The following TERF1 variants were observed in gnomAD, a reference collection of about 807,000 sequenced individuals.
TERF1 encodes the protein telomeric repeat binding factor 1, also known as telomeric repeat-binding factor 1.
TERF1 carries 20 observed loss-of-function variants against 55.1 expected under a neutral mutation model. That is an observed-to-expected ratio of 0.36 (90% confidence interval 0.26 to 0.53). The LOEUF (loss-of-function observed/expected upper bound fraction) is 0.53, where lower values mean the gene tolerates loss of function less well. TERF1 is among the 20% of genes least tolerant of loss of function. The pLI is 0.91. For missense variants in TERF1, 439 were observed against 535.7 expected, an observed-to-expected ratio of 0.82 and a Z score of 1.78; for synonymous variants, 168 against 181.2, an observed-to-expected ratio of 0.93 and a Z score of 0.59.
intron 1 of TERF1, chr8:73,009,432 C>A: frequency 1.8e-6 from 1 of 566,982 alleles, no homozygotes; most frequent in Non-Finnish European, 3.1e-6. Context: ...GAAAATAAGA[C>A]CCTGTTTAGG....
chr8:73,020,556 GGT>G, intron 2 of TERF1, 126 bp from the exon 3 acceptor site: 1 of 602,202 alleles, frequency 1.7e-6, no homozygotes, highest in Non-Finnish European at 2.5e-6. Flanking sequence ...CTTCTAAACT[GGT>G]ATAAACAAGA....
chr8:73,009,861 T>A (rs924594270), intron 1 of TERF1: 4 of 152,492 alleles, frequency 2.6e-5, no homozygotes, highest in African/African-American at 9.7e-5. Context: ...TGAAATCTGC[T>A]GCACCCCGCC....
chr8:73,009,323 C>A, intron 1 of TERF1, 118 bp downstream of exon 1: 1 of 481,004 alleles, frequency 2.1e-6, no homozygotes. Context: ...GGCCGATTAG[C>A]TGGGAGTCCG....
At chr8:73,028,358 A>T (rs191822390) in intron 6 of TERF1, among the ~76,000 whole-genome samples, 6 of 152,154 alleles carry the variant, frequency 3.9e-5, no homozygotes, top group African/African-American at 1.4e-4. Context: ...CTCTCCAAGT[A>T]TTAGGAACCG....
At chr8:73,028,073 C>A (rs1314709628) in intron 6 of TERF1, among the ~76,000 whole-genome samples, 3 of 152,178 alleles carry the variant, frequency 2.0e-5, no homozygotes, top group Non-Finnish European at 4.4e-5. Context: ...CCAATTACTT[C>A]CTTTTGTTTC....
intron 2 of TERF1, among the ~76,000 whole-genome samples, chr8:73,018,027 A>G (rs1808594739): frequency 6.6e-6 from 1 of 152,130 alleles, no homozygotes. Flanking sequence ...ATATTTTTCA[A>G]AAGCTCTTCA....
Position 73,008,925 on chromosome 8 carries a change from G to A in TERF1, c.39G>A (p.Arg13=). The change falls in exon 1 of 10, where the codon CGG becomes CGA. Residue 13 remains arginine, a synonymous_variant. Coordinates refer to ENST00000276603, the MANE Select transcript of TERF1 (RefSeq NM_017489.3). ...TTTCCTCAGCGGCCCCGAGCCCGCG[G>A]GGCTGTGCGGATGGTAGGGATGCCG... ...EDVSSAAPSP[R]GCADGRDADP... The A allele has an allele frequency of 1.2e-6, 2 of 1,612,248 alleles. No individual in the cohort carries two copies. Among genetic ancestry groups the A allele is most frequent in the Non-Finnish European group, 8.5e-7 (1 of 1,179,396 alleles).
chr8:73,030,362 C>T lies in TERF1; in HGVS notation c.914C>T (p.Thr305Ile), dbSNP rs1351688478. The T allele has an allele frequency of 1.3e-6, 2 of 1,525,520 alleles. 1 individual carries two copies. Among genetic ancestry groups the T allele is most frequent in the South Asian group, 2.7e-5 (2 of 74,832 alleles). 94.5% of individuals were successfully genotyped at this position (1,525,520 alleles called of 1,614,324 possible). The change falls in exon 7 of 10, where the codon ACT (threonine) becomes ATT (isoleucine). Residue 305 changes from threonine (T) to isoleucine (I), a missense_variant. Coordinates refer to ENST00000276603, the MANE Select transcript of TERF1 (RefSeq NM_017489.3). The stretch of plus-strand genomic sequence containing the variant: ...GTTAGTGACAAACAGTCTGCGGTAA[C>T]TGAATCCTCAGAGGGTACAGTATCC... ...KSVSDKQSAVTESSEGTVSLL... is the reference protein window; with the variant it reads ...KSVSDKQSAVIESSEGTVSLL...
At chr8:73,019,489 T>C (rs2929580) in intron 2 of TERF1, among the ~76,000 whole-genome samples, 90,382 of 151,966 alleles carry the variant, frequency 0.59, 27,894 homozygotes, top group Middle Eastern at 0.76. Flanking sequence ...CTACTTGCCT[T>C]TTCCATCATC....
At chr8:73,036,802 A>G (rs998237701) in intron 8 of TERF1, among the ~76,000 whole-genome samples, 3 of 140,450 alleles carry the variant, frequency 2.1e-5, no homozygotes, top group Admixed American at 7.3e-5. Context: ...TATTTGTATC[A>G]CTTTTATTAT....
rs1238313104 is a variant in TERF1, at chr8:73,008,979, A to G, written c.93A>G (p.Thr31=). The G allele has an allele frequency of 1.2e-6, 2 of 1,612,778 alleles. No individual in the cohort carries two copies. The highest frequency in any genetic ancestry group is 1.3e-5 in the African/African-American group (1 of 74,910). The change falls in exon 1 of 10, where the codon ACA becomes ACG. Residue 31 remains threonine (T), a synonymous_variant. Coordinates refer to ENST00000276603, the MANE Select transcript of TERF1 (RefSeq NM_017489.3). ...CTACTGAGGAGCAGATGGCAGAAACAGAGAGAAACGACGAGGAGCAGTTCG... is the reference window on the plus strand; with the variant it reads ...CTACTGAGGAGCAGATGGCAGAAACGGAGAGAAACGACGAGGAGCAGTTCG... ...ADPTEEQMAE[T]ERNDEEQFEC...
chr8:73,042,847 G>A (rs1175595960), intron 9 of TERF1: 1 of 152,128 alleles, frequency 6.6e-6, no homozygotes, highest in Non-Finnish European at 1.5e-5. Flanking sequence ...GGCTGGGGTT[G>A]TTAAGATTTT....
intron 6 of TERF1, among the ~76,000 whole-genome samples, chr8:73,029,712 T>C (rs1462027050): frequency 1.3e-5 from 2 of 152,162 alleles, no homozygotes; most frequent in Non-Finnish European, 2.9e-5. Context: ...GTTGAAATAG[T>C]TGAGATGGAC....
At chr8:73,025,752 C>A (rs564825399) in intron 5 of TERF1, among the ~76,000 whole-genome samples, 41 of 66,068 alleles carry the variant, frequency 6.2e-4, no homozygotes, top group Non-Finnish European at 1.0e-3. Flanking sequence ...GAGACTCTGT[C>A]TCAAAAAAAA....
intron 9 of TERF1, chr8:73,042,909 A>ACC (rs1809891691): frequency 6.6e-6 from 1 of 152,212 alleles, no homozygotes; most frequent in African/African-American, 2.4e-5. Flanking sequence ...AACAAAGGAA[A>ACC]TGGGTTGTAT....
chr8:73,047,706 A>G lies in TERF1; in HGVS notation c.*1569A>G, dbSNP rs1413866321. 2 of 152,168 alleles carry G rather than the reference A, an allele frequency of 1.3e-5. No individual in the cohort carries two copies. Among genetic ancestry groups the G allele is most frequent in the African/African-American group, 4.8e-5 (2 of 41,442 alleles). 9.4% of individuals were successfully genotyped at this position (152,168 alleles called of 1,614,324 possible). ...TATATTACTTTCCCATTGTTCCTGA[A>G]TTTGTTATCCTATATATAAACAGAA... On this transcript the variant is annotated 3_prime_UTR_variant, in exon 10 of 10. Transcript: ENST00000276603.
intron 5 of TERF1, among the ~76,000 whole-genome samples, chr8:73,026,032 C>T (rs910408151): frequency 2.5e-5 from 3 of 118,076 alleles, no homozygotes; most frequent in South Asian, 5.3e-4. Flanking sequence ...CCATCTCTAC[C>T]GAAAAAATAG....
intron 8 of TERF1, among the ~76,000 whole-genome samples, chr8:73,036,452 C>T (rs940123716): frequency 6.6e-6 from 1 of 152,104 alleles, no homozygotes; most frequent in Non-Finnish European, 1.5e-5. Flanking sequence ...TGTGAAATTG[C>T]ATTGTTAACA....
intron 1 of TERF1, 54 bp downstream of exon 1, chr8:73,009,259 C>T: frequency 6.4e-7 from 1 of 1,557,122 alleles, no homozygotes. Flanking sequence ...ATGCGGGCTC[C>T]GTGGTGCGCG....
Sources: gnomAD v4.1 joint callset for allele counts (sites outside exome capture counted in the v4.1 genomes callset) on GRCh38, gnomAD v4.1.1 for gene constraint, MANE v1.5 for transcripts, NCBI Gene and HGNC (gene_info 2026-07-23, HGNC 2026-07-21) for gene names.